Variants in ROBO2 observed in about 807,000 individuals in gnomAD.
ROBO2 encodes roundabout guidance receptor 2, also known as roundabout homolog 2.
In ROBO2, 53 loss-of-function variants were observed where a neutral mutation model predicts 160.8. That is an observed-to-expected ratio of 0.33 (90% CI 0.26 to 0.41). ROBO2 has a LOEUF of 0.41. Among genes scored for constraint, ROBO2 ranks in the 10% least tolerant of loss-of-function variants. The pLI, the probability that ROBO2 is intolerant of heterozygous loss-of-function variation, is 1.00. For synonymous variants in ROBO2, 664 were observed against 611.7 expected (o/e 1.09, Z -1.26); for missense variants, 1,577 against 1,722.4 (o/e 0.92, Z 1.49).
chr3:75,971,624 T>G (rs1327110138), intron 2 of ROBO2, among the ~76,000 whole-genome samples: 1 of 151,534 alleles, frequency 6.6e-6, no homozygotes, highest in Admixed American at 6.6e-5. Flanking sequence ...AAAAATTCAT[T>G]TAAAAATTAG....
At chr3:76,471,298 A>G (rs2078644029) in intron 2 of ROBO2, among the ~76,000 whole-genome samples, 1 of 152,178 alleles carries the variant, frequency 6.6e-6, no homozygotes, top group Admixed American at 6.6e-5. Context: ...TAGACTAGAC[A>G]CATTTTTAGA....
chr3:77,492,298 A>C (rs1007217600), intron 4 of ROBO2, among the ~76,000 whole-genome samples: 8 of 152,198 alleles, frequency 5.3e-5, no homozygotes, highest in African/African-American at 1.2e-4. Context: ...ACCATTATCC[A>C]AAAGGGAAGA....
At chr3:76,514,918 T>C (rs975236257) in intron 2 of ROBO2, among the ~76,000 whole-genome samples, 28 of 152,228 alleles carry the variant, frequency 1.8e-4, no homozygotes, top group Admixed American at 1.4e-3. Context: ...ACACACACAT[T>C]AGCCCTTGGT....
chr3:77,296,975 C>T (rs1171008651), intron 2 of ROBO2, among the ~76,000 whole-genome samples: 1 of 152,064 alleles, frequency 6.6e-6, no homozygotes, highest in Non-Finnish European at 1.5e-5. Context: ...ACTTATTCGT[C>T]TGTATGTACC....
chr3:76,573,749 A>T (rs1442032988), intron 2 of ROBO2, among the ~76,000 whole-genome samples: 1 of 152,098 alleles, frequency 6.6e-6, no homozygotes, highest in Non-Finnish European at 1.5e-5. Context: ...TCATAGGAGC[A>T]GCTAAGTACC....
chr3:77,192,325 C>A (rs75553291), intron 2 of ROBO2, among the ~76,000 whole-genome samples: 3,254 of 152,084 alleles, frequency 0.021, 70 homozygotes, highest in South Asian at 0.065. Context: ...AAATGTAATT[C>A]CTTCATTTCA....
chr3:77,133,364 T>G (rs2076014817), intron 2 of ROBO2, among the ~76,000 whole-genome samples: 1 of 152,226 alleles, frequency 6.6e-6, no homozygotes, highest in African/African-American at 2.4e-5. Flanking sequence ...CCCATTTCTA[T>G]GAATTGCATC....
chr3:76,613,331 ATC>A lies in ROBO2; in HGVS notation c.110-484677_110-484676del, dbSNP rs1033744406. 4.6e-5 allele frequency among the ~76,000 whole-genome samples: 7 copies of A among 152,122 alleles called. No individual in the cohort carries two copies. In the South Asian group the frequency reaches 1.0e-3, roughly 23 times the overall value. ...ATGCAAATGCTTTTTGTGTGTCTGA[ATC>A]TCTCTGTCTCTCACTTTTATTTCTC... On this transcript the variant is annotated intron_variant, in intron 2 of 26. Transcript: ENST00000487694.
chr3:77,358,413 T>C (rs1234446937), intron 2 of ROBO2, among the ~76,000 whole-genome samples: 9 of 152,148 alleles, frequency 5.9e-5, no homozygotes. Flanking sequence ...ATAACTAATT[T>C]TATCTGCGAC....
intron 2 of ROBO2, among the ~76,000 whole-genome samples, chr3:77,276,921 A>T (rs958811627): frequency 6.6e-6 from 1 of 152,250 alleles, no homozygotes; most frequent in Non-Finnish European, 1.5e-5. Flanking sequence ...CATAAGACGC[A>T]TTTACTACCA....
chr3:77,192,977 C>G (rs1417447250), intron 2 of ROBO2, among the ~76,000 whole-genome samples: 1 of 151,910 alleles, frequency 6.6e-6, no homozygotes, highest in African/African-American at 2.4e-5. Flanking sequence ...TTAATATATA[C>G]TGTGCTTTAC....
intron 2 of ROBO2, among the ~76,000 whole-genome samples, chr3:77,099,870 C>A (rs1222877356): frequency 6.6e-6 from 1 of 151,948 alleles, no homozygotes; most frequent in African/African-American, 2.4e-5. Flanking sequence ...CCTGAATCTT[C>A]TAATTTTTAT....
At chr3:76,352,920 C>T (rs2074962602) in intron 2 of ROBO2, among the ~76,000 whole-genome samples, 1 of 151,946 alleles carries the variant, frequency 6.6e-6, no homozygotes, top group Non-Finnish European at 1.5e-5. Flanking sequence ...GCACACGTGG[C>T]TTTTGACAAG....
intron 2 of ROBO2, among the ~76,000 whole-genome samples, chr3:77,248,591 T>TGAGCTCCTGCCA (rs2089997524): frequency 6.6e-6 from 1 of 152,110 alleles, no homozygotes; most frequent in African/African-American, 2.4e-5. Flanking sequence ...CACCCAAAGG[T>TGAGCTCCTGCCA]GCTCACCCCA....
In ROBO2 at chr3:77,600,242, C is replaced by G. The variant is rs573790470; in HGVS notation, c.2855-1968C>G. Among the ~76,000 whole-genome samples the G allele has an allele frequency of 6.6e-5, 10 of 152,334 alleles. No homozygotes were observed. In the East Asian group the frequency reaches 1.7e-3, roughly 26 times the overall value. On this transcript the variant is annotated intron_variant, in intron 19 of 25. Transcript: ENST00000461745. ...TCTGGTATTATAGGACTCTCCTTAA[C>G]ATCCAAATATTCATGTGCAATATTC...
At chr3:77,071,162 C>G (rs2067370149) in intron 1 of ROBO2, among the ~76,000 whole-genome samples, 1 of 152,126 alleles carries the variant, frequency 6.6e-6, no homozygotes, top group Non-Finnish European at 1.5e-5. Flanking sequence ...GCAGTTTTAT[C>G]TACATCCTTC....
At chr3:77,391,580 C>A (rs1198658208) in intron 2 of ROBO2, among the ~76,000 whole-genome samples, 1 of 152,062 alleles carries the variant, frequency 6.6e-6, no homozygotes, top group Non-Finnish European at 1.5e-5. Flanking sequence ...CAAAGACCTG[C>A]CCCCATGATT....
chr3:76,396,316 C>T (rs180788507), intron 2 of ROBO2, among the ~76,000 whole-genome samples: 54 of 152,048 alleles, frequency 3.6e-4, no homozygotes, highest in Non-Finnish European at 6.6e-4. Flanking sequence ...ATTGATGGGA[C>T]GTGTCTCAAA....
chr3:76,479,486 A>G (rs899228522), intron 2 of ROBO2, among the ~76,000 whole-genome samples: 1 of 152,160 alleles, frequency 6.6e-6, no homozygotes, highest in African/African-American at 2.4e-5. Context: ...AAATTTTACC[A>G]TAAAAATCTT....
Sources: gnomAD v4.1 joint callset for allele counts (sites outside exome capture counted in the v4.1 genomes callset) on GRCh38, gnomAD v4.1.1 for gene constraint, MANE v1.5 for transcripts, NCBI Gene and HGNC (gene_info 2026-07-23, HGNC 2026-07-21) for gene names.